LGSN: variants seen among roughly 807,000 people sequenced by gnomAD.
LGSN encodes the protein lengsin.
Under a neutral mutation model 19.5 loss-of-function variants are expected in LGSN, and 21 were observed. That is an observed-to-expected ratio of 1.07 (90% CI 0.76 to 1.55). The LOEUF is 1.55. LGSN is among the 40% of genes most tolerant of loss of function. The pLI is 0.00. For synonymous variants in LGSN, 257 were observed against 215.6 expected (o/e 1.19, Z -1.68); for missense variants, 673 against 608.5 (o/e 1.11, Z -1.12).
Position 63,276,714 on chromosome 6 carries a change from T to G in LGSN, c.*3307A>C, listed in dbSNP as rs559740443. Reference sequence around the variant, plus strand: ...TCATCTTTGTTTTGGTCTCCCCTAGTATGATGGCTCCCAGCTGAAGGCTTA... The same window carrying G: ...TCATCTTTGTTTTGGTCTCCCCTAGGATGATGGCTCCCAGCTGAAGGCTTA... On this transcript the variant is annotated 3_prime_UTR_variant, in exon 4 of 4. Coordinates refer to ENST00000370657, the MANE Select transcript of LGSN (RefSeq NM_016571.3). 2 of 152,226 alleles carry G rather than the reference T, an allele frequency of 1.3e-5. No homozygotes were observed. Among genetic ancestry groups the G allele is most frequent in the African/African-American group, 4.8e-5 (2 of 41,462 alleles). 9.4% of individuals were successfully genotyped at this position (152,226 alleles called of 1,614,324 possible). A position where few individuals can be genotyped will look rare whatever the true frequency, so the allele number is the denominator to read the frequency against.
chr6:63,474,346 T>C, the LGSN span, among the ~76,000 whole-genome samples: 93 of 152,244 alleles, frequency 6.1e-4, no homozygotes, highest in African/African-American at 2.0e-3. Context: ...CAGTGGTTCA[T>C]GCCTGTAATC....
chr6:63,523,724 T>A, the LGSN span, among the ~76,000 whole-genome samples: 1 of 151,970 alleles, frequency 6.6e-6, no homozygotes, highest in Admixed American at 6.6e-5. Flanking sequence ...TTATAAGACT[T>A]TTTTTGCGAT....
At chr6:63,312,120 G>T (rs778239800) in intron 1 of LGSN, among the ~76,000 whole-genome samples, 1 of 152,156 alleles carries the variant, frequency 6.6e-6, no homozygotes, top group African/African-American at 2.4e-5. Context: ...ATTATTGCCT[G>T]TTTAAGGCTT....
At chr6:63,347,309 T>G in the LGSN span, among the ~76,000 whole-genome samples, 3 of 152,138 alleles carry the variant, frequency 2.0e-5, no homozygotes, top group Non-Finnish European at 4.4e-5. Context: ...AAACCAGTCT[T>G]TTTTAAAACA....
At chr6:63,498,012 G>A in the LGSN span, among the ~76,000 whole-genome samples, 5 of 144,280 alleles carry the variant, frequency 3.5e-5, no homozygotes, top group African/African-American at 1.1e-4. Flanking sequence ...TCTGCCTCCC[G>A]GGTTCAAGCG....
At chr6:63,536,521 C>G in the LGSN span, among the ~76,000 whole-genome samples, 8 of 152,138 alleles carry the variant, frequency 5.3e-5, no homozygotes, top group Non-Finnish European at 1.2e-4. Context: ...TCAAAAACAT[C>G]TGAACTCAGG....
At chr6:63,414,660 C>T in the LGSN span, among the ~76,000 whole-genome samples, 2 of 152,356 alleles carry the variant, frequency 1.3e-5, no homozygotes, top group Admixed American at 6.5e-5. Context: ...CGCGATGGCG[C>T]GTGCCTGTAA....
the LGSN span, among the ~76,000 whole-genome samples, chr6:63,478,294 A>G: frequency 6.6e-6 from 1 of 152,298 alleles, no homozygotes; most frequent in South Asian, 2.1e-4. Flanking sequence ...AAAATGTATA[A>G]ATGGGTAATA....
intron 1 of LGSN, among the ~76,000 whole-genome samples, chr6:63,312,976 G>T (rs1045065622): frequency 6.6e-6 from 1 of 152,132 alleles, no homozygotes; most frequent in Non-Finnish European, 1.5e-5. Flanking sequence ...GTGTCATCTG[G>T]AGGTGTCCAG....
the LGSN span, among the ~76,000 whole-genome samples, chr6:63,455,575 T>A: frequency 6.6e-6 from 1 of 151,514 alleles, no homozygotes; most frequent in African/African-American, 2.4e-5. Context: ...ACCAACATGA[T>A]GAAACCCCGT....
At chr6:63,485,243 C>G in the LGSN span, among the ~76,000 whole-genome samples, 1 of 152,110 alleles carries the variant, frequency 6.6e-6, no homozygotes, top group Non-Finnish European at 1.5e-5. Context: ...GTGTTCATGT[C>G]TTCCCATCAT....
At chr6:63,544,367 G>T in the LGSN span, among the ~76,000 whole-genome samples, 1 of 152,074 alleles carries the variant, frequency 6.6e-6, no homozygotes, top group African/African-American at 2.4e-5. Flanking sequence ...TTGCAAGGAA[G>T]TTGCAGACAT....
intron 1 of LGSN, among the ~76,000 whole-genome samples, chr6:63,312,123 T>C (rs1027688780): frequency 1.3e-5 from 2 of 152,226 alleles, no homozygotes; most frequent in Non-Finnish European, 2.9e-5. Flanking sequence ...ATTGCCTGTT[T>C]AAGGCTTCCT....
the LGSN span, chr6:63,441,374 G>A: frequency 3.2e-5 from 15 of 470,800 alleles, no homozygotes; most frequent in East Asian, 5.8e-4. Context: ...TCACCTTGTC[G>A]TCAGCTTTGC....
At chr6:63,314,736 T>C (rs1768774696) in intron 1 of LGSN, among the ~76,000 whole-genome samples, 1 of 152,142 alleles carries the variant, frequency 6.6e-6, no homozygotes, top group South Asian at 2.1e-4. Flanking sequence ...AGTAGGAATA[T>C]GGAAGACTAA....
intron 1 of LGSN, among the ~76,000 whole-genome samples, chr6:63,308,810 G>T (rs1224190943): frequency 6.6e-6 from 1 of 152,078 alleles, no homozygotes; most frequent in Non-Finnish European, 1.5e-5. Flanking sequence ...AAACTTAAAA[G>T]AATATGTCAA....
chr6:63,507,590 C>G, the LGSN span, among the ~76,000 whole-genome samples: 1 of 152,040 alleles, frequency 6.6e-6, no homozygotes, highest in Non-Finnish European at 1.5e-5. Flanking sequence ...ATATCCAAAG[C>G]CAGTTTTCAT....
the LGSN span, chr6:63,572,198 G>A: frequency 1.3e-5 from 2 of 156,158 alleles, no homozygotes; most frequent in Admixed American, 6.5e-5. Context: ...TCGATAAATC[G>A]GAATCTCTCT....
At chr6:63,443,671 C>G in the LGSN span, 2 of 546,614 alleles carry the variant, frequency 3.7e-6, no homozygotes, top group Non-Finnish European at 4.9e-6. Flanking sequence ...TTTTTAGCAT[C>G]AGACCTACCT....
Sources: allele counts gnomAD v4.1 joint callset (sites outside exome capture counted in the v4.1 genomes callset), GRCh38; gene constraint gnomAD v4.1.1; transcripts MANE v1.5; gene names NCBI Gene and HGNC (gene_info 2026-07-23, HGNC 2026-07-21).